PPP3CA: variants seen among roughly 807,000 people sequenced by gnomAD.
PPP3CA encodes the protein CAM-PRP catalytic subunit.
Under a neutral mutation model 66.5 loss-of-function variants are expected in PPP3CA, and 14 were observed. The ratio of observed to expected loss-of-function variants is 0.21; its 90% CI spans 0.14 to 0.33. The LOEUF (loss-of-function observed/expected upper bound fraction) is 0.33. PPP3CA is among the 10% of genes least tolerant of loss of function. The pLI is 1.00. For synonymous variants in PPP3CA, 232 were observed against 226.2 expected (o/e 1.03, Z -0.23); for missense variants, 317 against 639.5 (o/e 0.50, Z 5.44).
chr4:101,258,907 T>C (rs1338199079), intron 1 of PPP3CA, among the ~76,000 whole-genome samples: 1 of 152,158 alleles, frequency 6.6e-6, no homozygotes, highest in African/African-American at 2.4e-5. Context: ...CAGGTCTTCC[T>C]GCTACTAAAG....
intron 2 of PPP3CA, among the ~76,000 whole-genome samples, chr4:101,117,762 A>G (rs1202591973): frequency 6.6e-6 from 1 of 151,806 alleles, no homozygotes; most frequent in Non-Finnish European, 1.5e-5. Context: ...CTTGTGTCCA[A>G]GTTTGGTCAG....
intron 1 of PPP3CA, among the ~76,000 whole-genome samples, chr4:101,201,591 A>G (rs772790297): frequency 2.6e-5 from 4 of 152,352 alleles, no homozygotes; most frequent in Middle Eastern, 3.4e-3. Flanking sequence ...AACAGATGCA[A>G]TGTCTTCGCA....
intron 1 of PPP3CA, among the ~76,000 whole-genome samples, chr4:101,266,105 T>C (rs1727162495): frequency 6.6e-6 from 1 of 152,126 alleles, no homozygotes; most frequent in South Asian, 2.1e-4. Flanking sequence ...GTGACTTAGA[T>C]ATAATAATAA....
At chr4:101,168,765 A>G (rs959014659) in intron 2 of PPP3CA, among the ~76,000 whole-genome samples, 1 of 152,184 alleles carries the variant, frequency 6.6e-6, no homozygotes, top group Non-Finnish European at 1.5e-5. Context: ...AAGACCATAT[A>G]TACGTCTCCT....
chr4:101,167,810 G>C (rs561608445), intron 2 of PPP3CA, among the ~76,000 whole-genome samples: 35 of 152,298 alleles, frequency 2.3e-4, no homozygotes, highest in Admixed American at 1.7e-3. Flanking sequence ...TACAGAACAT[G>C]TGTGAGAAAG....
intron 2 of PPP3CA, among the ~76,000 whole-genome samples, chr4:101,115,498 T>C (rs1721812627): frequency 6.6e-6 from 1 of 151,906 alleles, no homozygotes; most frequent in South Asian, 2.1e-4. Context: ...TACAAATAAA[T>C]ATATATTATA....
chr4:101,089,171 T>C (rs1358261698), intron 6 of PPP3CA, among the ~76,000 whole-genome samples: 1 of 151,830 alleles, frequency 6.6e-6, no homozygotes, highest in Non-Finnish European at 1.5e-5. Flanking sequence ...GAGTTTACAG[T>C]TTACAGTGAA....
chr4:101,310,924 A>T (rs988188862), intron 1 of PPP3CA, among the ~76,000 whole-genome samples: 1 of 152,218 alleles, frequency 6.6e-6, no homozygotes, highest in African/African-American at 2.4e-5. Flanking sequence ...AAAGAGTACA[A>T]AATGTAATTA....
intron 1 of PPP3CA, among the ~76,000 whole-genome samples, chr4:101,225,497 G>T (rs1725752903): frequency 6.6e-6 from 1 of 151,742 alleles, no homozygotes; most frequent in Non-Finnish European, 1.5e-5. Flanking sequence ...TAGTTCAAAT[G>T]ACCATTTTGC....
chr4:101,230,682 G>A (rs1188430098), intron 1 of PPP3CA, among the ~76,000 whole-genome samples: 1 of 151,442 alleles, frequency 6.6e-6, no homozygotes, highest in South Asian at 2.1e-4. Context: ...TAGCACCTCC[G>A]AGCTAAAAGG....
chr4:101,175,780 G>A (rs1358889638), intron 2 of PPP3CA, among the ~76,000 whole-genome samples: 1 of 152,156 alleles, frequency 6.6e-6, no homozygotes, highest in Non-Finnish European at 1.5e-5. Context: ...TTGCCAGTAA[G>A]AAACCTCAGT....
intron 1 of PPP3CA, among the ~76,000 whole-genome samples, chr4:101,254,376 C>A (rs1726774183): frequency 1.3e-5 from 2 of 151,904 alleles, no homozygotes; most frequent in South Asian, 4.2e-4. Context: ...AGTTTATTTG[C>A]TGGTCACAGG....
intron 2 of PPP3CA, among the ~76,000 whole-genome samples, chr4:101,164,553 G>A (rs1341850178): frequency 8.6e-6 from 1 of 115,804 alleles, no homozygotes; most frequent in Non-Finnish European, 1.7e-5. Flanking sequence ...TAAAAATAAT[G>A]GGATTTAAGT....
chr4:101,253,710 G>A (rs553776376), intron 1 of PPP3CA, among the ~76,000 whole-genome samples: 4 of 152,056 alleles, frequency 2.6e-5, no homozygotes, highest in South Asian at 2.1e-4. Flanking sequence ...TTATGATAAC[G>A]TCATGACTTA....
chr4:101,203,219 G>A (rs551309069), intron 1 of PPP3CA, among the ~76,000 whole-genome samples: 6 of 152,102 alleles, frequency 3.9e-5, no homozygotes, highest in South Asian at 2.1e-4. Flanking sequence ...TTCCTCAGCC[G>A]GGTGCGGTGG....
chr4:101,321,869 A>G (rs958570710), intron 1 of PPP3CA, among the ~76,000 whole-genome samples: 1 of 152,232 alleles, frequency 6.6e-6, no homozygotes, highest in African/African-American at 2.4e-5. Context: ...AAGAAAGAGG[A>G]AAAACAAGCC....
At chr4:101,256,762 T>C (rs1201520318) in intron 1 of PPP3CA, among the ~76,000 whole-genome samples, 2 of 151,988 alleles carry the variant, frequency 1.3e-5, no homozygotes, top group African/African-American at 4.8e-5. Context: ...AATGTTAGGG[T>C]TGTATTCCTA....
In PPP3CA at chr4:101,334,908, G is replaced by T. The variant is rs184603205; in HGVS notation, c.58+11831C>A. ...ACCACTATAAAAAAAAATGTTCAGG[G>T]AAATACACACATATGTAATTTCCAC... On this transcript the variant is annotated intron_variant, in intron 1 of 13. Transcript: ENST00000394854. Among the ~76,000 whole-genome samples the T allele has an allele frequency of 4.3e-4, 65 of 152,128 alleles. 1 individual carries two copies. Among genetic ancestry groups the T allele is most frequent in the Admixed American group, 2.6e-3 (40 of 15,290 alleles).
intron 2 of PPP3CA, among the ~76,000 whole-genome samples, chr4:101,119,586 T>C (rs779077423): frequency 6.6e-6 from 1 of 152,012 alleles, no homozygotes; most frequent in African/African-American, 2.4e-5. Flanking sequence ...ATTTTCTACA[T>C]AGGGAAAAAA....
Sources: allele counts gnomAD v4.1 joint callset (sites outside exome capture counted in the v4.1 genomes callset), GRCh38; gene constraint gnomAD v4.1.1; transcripts MANE v1.5; gene names NCBI Gene and HGNC (gene_info 2026-07-23, HGNC 2026-07-21).